The following NAV3 variants were observed in gnomAD, a reference collection of about 807,000 sequenced individuals.
NAV3 encodes the protein pore membrane and/or filament interacting like protein 1.
In NAV3, 87 loss-of-function variants were observed where a neutral mutation model predicts 244.7. The observed-to-expected ratio is 0.36, with a 90% CI of 0.30 to 0.42. The LOEUF is 0.42. Among genes scored for constraint, NAV3 ranks in the 20% least tolerant of loss-of-function variants. The pLI is 1.00. For missense variants in NAV3, 2,663 were observed against 2,893.3 expected (o/e 0.92, Z 1.83); for synonymous variants, 1,126 against 1,042.2 (o/e 1.08, Z -1.55).
intron 2 of NAV3, among the ~76,000 whole-genome samples, chr12:77,820,707 T>C (rs534937169): frequency 6.6e-6 from 1 of 152,262 alleles, no homozygotes; most frequent in East Asian, 1.9e-4. Context: ...AGTGTGTGTG[T>C]GACAAGCACT....
intron 12 of NAV3, among the ~76,000 whole-genome samples, chr12:78,107,896 A>G (rs1197281266): frequency 6.6e-6 from 1 of 152,172 alleles, no homozygotes; most frequent in Admixed American, 6.5e-5. Context: ...ACAATAAGGG[A>G]AAAAGAAAGG....
At chr12:78,102,104 A>G (rs1359833508) in intron 12 of NAV3, among the ~76,000 whole-genome samples, 1 of 152,140 alleles carries the variant, frequency 6.6e-6, no homozygotes, top group Non-Finnish European at 1.5e-5. Context: ...TCTCATGAAT[A>G]TCTAAGGTTA....
In NAV3 at chr12:77,831,091, TGAA is replaced by T; in HGVS notation, c.-365_-363del. ...AGAAGGAGCTTTGTAGCAGTTACCT[TGAA>T]GAAGAGTTTACTCCCCAAAGGAGTA... On this transcript the variant is annotated 5_prime_UTR_variant, in exon 1 of 40. Coordinates refer to ENST00000397909, the MANE Select transcript of NAV3 (RefSeq NM_001024383.2). 6.4e-6 allele frequency: 1 copy of T among 156,876 alleles called. No homozygotes were observed. Among genetic ancestry groups the T allele is most frequent in the Non-Finnish European group, 1.4e-5 (1 of 71,802 alleles). The allele number at this position is 156,876 out of a possible 1,614,324, so 9.7% of individuals were successfully genotyped here. A position where few individuals can be genotyped will look rare whatever the true frequency, so the allele number is the denominator to read the frequency against.
chr12:77,844,497 T>C (rs1876281511), intron 1 of NAV3, among the ~76,000 whole-genome samples: 1 of 152,182 alleles, frequency 6.6e-6, no homozygotes, highest in Non-Finnish European at 1.5e-5. Context: ...AGTCACAACT[T>C]TACTTGCTTC....
At chr12:77,914,338 T>C (rs533382242) in intron 1 of NAV3, among the ~76,000 whole-genome samples, 1 of 152,012 alleles carries the variant, frequency 6.6e-6, no homozygotes, top group Admixed American at 6.6e-5. Context: ...GTGCAAGATG[T>C]TTTTTGGAGG....
At position 77,852,842 on chromosome 12, in the gene NAV3, C is replaced by T. The variant is rs143310361; in HGVS notation, c.243+21138C>T. On this transcript the variant is annotated intron_variant, in intron 1 of 39. Coordinates refer to ENST00000397909, the MANE Select transcript of NAV3 (RefSeq NM_001024383.2). ...CTCGTAGATTTATATTATTCCAGTA[C>T]GTGAATTCTCCCACAATTTATTTTT... is the stretch of plus-strand genomic sequence containing the variant. 5.3e-5 allele frequency among the ~76,000 whole-genome samples: 8 copies of T among 152,108 alleles called. No homozygotes were observed. In the South Asian group the frequency reaches 6.2e-4, roughly 12 times the overall value.
At chr12:77,829,219 G>C (rs1431113014), upstream of NAV3, among the ~76,000 whole-genome samples, 1 of 152,182 alleles carries the variant, frequency 6.6e-6, no homozygotes, top group Non-Finnish European at 1.5e-5. Flanking sequence ...CAAGCCTACT[G>C]GCTTGGAGTT....
chr12:77,621,255 G>A (rs1224800581), intron 2 of NAV3, among the ~76,000 whole-genome samples: 1 of 152,122 alleles, frequency 6.6e-6, no homozygotes, highest in South Asian at 2.1e-4. Flanking sequence ...AAGCTCTCCT[G>A]TAGCTGCTAG....
At chr12:77,857,821 A>C (rs1878621924) in intron 1 of NAV3, among the ~76,000 whole-genome samples, 2 of 151,462 alleles carry the variant, frequency 1.3e-5, no homozygotes, top group Non-Finnish European at 3.0e-5. Flanking sequence ...TGAAAACTGA[A>C]CCCCCCCAAA....
intron 9 of NAV3, among the ~76,000 whole-genome samples, chr12:78,040,071 T>C (rs1880590786): frequency 6.6e-6 from 1 of 152,196 alleles, no homozygotes; most frequent in African/African-American, 2.4e-5. Context: ...ACTTTGCAAT[T>C]GTGTTTTTCC....
intron 9 of NAV3, chr12:78,036,610 T>C (rs1336911393): frequency 3.0e-6 from 1 of 332,924 alleles, no homozygotes; most frequent in Non-Finnish European, 5.6e-6. Context: ...GGAGAGTCTT[T>C]GGTGAACTCT....
rs1960744218 is a variant in NAV3 at position 78,210,074 on chromosome 12, T to C, written c.7039-324T>C. On this transcript the variant is annotated intron_variant, in intron 39 of 39. Transcript: ENST00000397909. ...CTCCCAGCCAAAAAGCTGGGAAGCT[T>C]GGCGTACTTTCCAGCAACGAACCCA... Among the ~76,000 whole-genome samples the C allele has an allele frequency of 2.0e-5, 3 of 152,306 alleles. No homozygotes were observed. In the South Asian group the frequency reaches 6.2e-4, roughly 32 times the overall value.
rs147296352 is a variant in NAV3 at position 77,883,212 on chromosome 12, T to G, written c.243+51508T>G. Among the ~76,000 whole-genome samples the G allele has an allele frequency of 3.9e-5, 6 of 152,048 alleles. No individual in the cohort carries two copies. The East Asian group carries it at 1.2e-3, about 29-fold the overall frequency. ...AAGAACACAGAATGTCCATAAACAGTGGATTGGTTAAAGAAAGTACAAATA... is the reference window on the plus strand; with the variant it reads ...AAGAACACAGAATGTCCATAAACAGGGGATTGGTTAAAGAAAGTACAAATA... On this transcript the variant is annotated intron_variant, in intron 1 of 39. Coordinates refer to ENST00000397909, the MANE Select transcript of NAV3 (RefSeq NM_001024383.2).
chr12:77,668,363 A>G (rs1211624454), intron 2 of NAV3, among the ~76,000 whole-genome samples: 1 of 152,330 alleles, frequency 6.6e-6, no homozygotes, highest in East Asian at 1.9e-4. Flanking sequence ...CGTGAAGTCC[A>G]ACTTAAAAAA....
intron 5 of NAV3, among the ~76,000 whole-genome samples, chr12:77,978,006 C>T (rs555658817): frequency 5.7e-4 from 87 of 151,818 alleles, no homozygotes; most frequent in African/African-American, 2.0e-3. Flanking sequence ...ATGTTCAGAT[C>T]GTTGGTTTTG....
At chr12:78,201,072 CTTT>C (rs549973376) in intron 38 of NAV3, among the ~76,000 whole-genome samples, 54 of 90,294 alleles carry the variant, frequency 6.0e-4, no homozygotes, top group Middle Eastern at 6.3e-3. Flanking sequence ...TCTTCTCCTT[CTTT>C]TTTTTTTTTT....
At chr12:77,742,252 G>GTTGTGC (rs901000603) in intron 2 of NAV3, among the ~76,000 whole-genome samples, 8 of 152,008 alleles carry the variant, frequency 5.3e-5, no homozygotes, top group Admixed American at 5.2e-4. Context: ...CACAGGATAA[G>GTTGTGC]TTGTGCTTCT....
At chr12:77,701,270 A>G (rs1258475081) in intron 2 of NAV3, among the ~76,000 whole-genome samples, 3 of 151,882 alleles carry the variant, frequency 2.0e-5, no homozygotes, top group South Asian at 4.1e-4. Context: ...TTGTATTATC[A>G]TTTTGGTAGT....
intron 2 of NAV3, among the ~76,000 whole-genome samples, chr12:77,782,644 T>A (rs1870723249): frequency 6.6e-6 from 1 of 150,396 alleles, no homozygotes; most frequent in African/African-American, 2.5e-5. Context: ...CAAACCTTTT[T>A]ACACAGTTTT....
Sources: allele counts gnomAD v4.1 joint callset (sites outside exome capture counted in the v4.1 genomes callset), GRCh38; gene constraint gnomAD v4.1.1; transcripts MANE v1.5; gene names NCBI Gene and HGNC (gene_info 2026-07-23, HGNC 2026-07-21).